The following RBMS1 variants were observed in gnomAD, a reference collection of about 807,000 sequenced individuals.
RBMS1 encodes the protein RNA binding motif single stranded interacting protein 1.
A neutral mutation model predicts 62.3 loss-of-function variants in RBMS1; 17 were observed. That is an observed-to-expected ratio of 0.27 (90% CI 0.19 to 0.41). The LOEUF (loss-of-function observed/expected upper bound fraction) is 0.41, where lower values mean the gene tolerates loss of function less well. RBMS1 is among the 10% of genes least tolerant of loss of function. RBMS1 has a pLI of 1.00. For missense variants in RBMS1, 334 were observed against 504.5 expected, an observed-to-expected ratio of 0.66 and a Z score of 3.24; for synonymous variants, 172 against 170.0, an observed-to-expected ratio of 1.01 and a Z score of -0.09.
intron 13 of RBMS1, chr2:160,275,300 A>G: frequency 6.1e-6 from 1 of 164,134 alleles, no homozygotes; most frequent in Admixed American, 6.2e-5. Context: ...CCAGTTTCTG[A>G]GTATTAAAGT....
At chr2:160,331,713 T>C (rs890963691) in intron 2 of RBMS1, among the ~76,000 whole-genome samples, 4 of 152,164 alleles carry the variant, frequency 2.6e-5, no homozygotes, top group Non-Finnish European at 5.9e-5. Context: ...GTAAGCACCA[T>C]AAACAAAGAG....
intron 2 of RBMS1, among the ~76,000 whole-genome samples, chr2:160,353,252 T>A (rs1692615890): frequency 6.6e-6 from 1 of 152,062 alleles, no homozygotes; most frequent in Non-Finnish European, 1.5e-5. Context: ...TTGTTGAACA[T>A]TTTTTTAAAA....
chr2:160,336,645 A>T (rs755648966), intron 2 of RBMS1, among the ~76,000 whole-genome samples: 9 of 152,184 alleles, frequency 5.9e-5, no homozygotes, highest in Non-Finnish European at 1.3e-4. Flanking sequence ...TCTCCAAAAT[A>T]TTATCATTTC....
intron 1 of RBMS1, among the ~76,000 whole-genome samples, chr2:160,378,206 T>C (rs1474588204): frequency 6.6e-6 from 1 of 152,048 alleles, no homozygotes; most frequent in Non-Finnish European, 1.5e-5. Context: ...AAAATGCTCG[T>C]GAATGCCACC....
intron 1 of RBMS1, among the ~76,000 whole-genome samples, chr2:160,377,497 T>C (rs904158883): frequency 6.6e-6 from 1 of 152,210 alleles, no homozygotes; most frequent in South Asian, 2.1e-4. Context: ...GCAGGACTCC[T>C]GGTCTGTGTG....
At chr2:160,403,960 CTTTT>C (rs374621263) in intron 1 of RBMS1, among the ~76,000 whole-genome samples, 6 of 152,022 alleles carry the variant, frequency 3.9e-5, no homozygotes, top group African/African-American at 7.3e-5. Context: ...GTATAAATCA[CTTTT>C]TTTGTTTCAA....
Position 160,493,590 on chromosome 2 carries a change from C to T in RBMS1, c.-227G>A, listed in dbSNP as rs1345012498. On this transcript the variant is annotated 5_prime_UTR_variant, in exon 1 of 14. Transcript: ENST00000348849. ...CCTCCTCTTCCTCCTCCTCCTCCTC[C>T]TCCCAGGCAGAAAGAAAGACACTGC... 4 of 605,238 alleles carry T rather than the reference C, an allele frequency of 6.6e-6. No homozygotes were observed. Among genetic ancestry groups the T allele is most frequent in the Admixed American group, 5.8e-5 (2 of 34,366 alleles). The allele number at this position is 605,238 out of a possible 1,614,324, so 37.5% of individuals were successfully genotyped here.
chr2:160,324,903 TATATACACACACAC>T (rs1427187695), intron 2 of RBMS1, among the ~76,000 whole-genome samples: 2 of 118,988 alleles, frequency 1.7e-5, no homozygotes, highest in East Asian at 4.5e-4. Flanking sequence ...TATATATATA[TATATACACACACAC>T]ACACACACAC....
At chr2:160,341,372 A>G (rs894325677) in intron 2 of RBMS1, among the ~76,000 whole-genome samples, 4 of 152,114 alleles carry the variant, frequency 2.6e-5, no homozygotes, top group African/African-American at 9.7e-5. Context: ...ACCAGCACCC[A>G]TCTCACTGTT....
chr2:160,377,832 G>T (rs1694079671), intron 1 of RBMS1, among the ~76,000 whole-genome samples: 1 of 152,208 alleles, frequency 6.6e-6, no homozygotes, highest in Non-Finnish European at 1.5e-5. Context: ...GAGGCCAGGA[G>T]AAGTCAAACC....
At chr2:160,306,151 G>GTA (rs1553504365) in intron 4 of RBMS1, among the ~76,000 whole-genome samples, 102 of 151,236 alleles carry the variant, frequency 6.7e-4, no homozygotes, top group Middle Eastern at 3.4e-3. Flanking sequence ...GTGTGTGTGT[G>GTA]TATACACATA....
intron 1 of RBMS1, among the ~76,000 whole-genome samples, chr2:160,474,546 G>A (rs1003426038): frequency 3.2e-4 from 49 of 152,176 alleles, no homozygotes; most frequent in Admixed American, 2.6e-4. Flanking sequence ...TTCTTCAGTC[G>A]TGATGGTTGC....
intron 1 of RBMS1, among the ~76,000 whole-genome samples, chr2:160,369,498 G>A (rs1006354694): frequency 2.6e-5 from 4 of 152,188 alleles, no homozygotes; most frequent in Admixed American, 6.5e-5. Context: ...TTTGATTGAC[G>A]CAGAGAACTT....
chr2:160,451,691 C>T (rs1256958362), intron 1 of RBMS1, among the ~76,000 whole-genome samples: 3 of 152,122 alleles, frequency 2.0e-5, no homozygotes, highest in Admixed American at 6.5e-5. Context: ...TCACTGCAAC[C>T]TCCATCTCCT....
At chr2:160,311,163 C>G (rs1345243721) in intron 4 of RBMS1, among the ~76,000 whole-genome samples, 1 of 144,932 alleles carries the variant, frequency 6.9e-6, no homozygotes, top group East Asian at 2.0e-4. Flanking sequence ...CCACTGCACT[C>G]CAGCCTGGGT....
chr2:160,348,579 G>T (rs1323159122), intron 2 of RBMS1, among the ~76,000 whole-genome samples: 1 of 152,116 alleles, frequency 6.6e-6, no homozygotes. Context: ...TCTCATTGAT[G>T]GCTGAGCCTG....
chr2:160,282,143 T>C, intron 9 of RBMS1: 1 of 985,160 alleles, frequency 1.0e-6, no homozygotes, highest in Non-Finnish European at 1.5e-6. Context: ...AAGTTTCAGT[T>C]TCCAATTCTT....
intron 1 of RBMS1, among the ~76,000 whole-genome samples, chr2:160,392,551 T>C (rs781362538): frequency 6.6e-5 from 10 of 152,198 alleles, no homozygotes; most frequent in Admixed American, 3.9e-4. Context: ...TTTCTCTCGA[T>C]TGTCAATAAT....
At chr2:160,412,484 G>A (rs181525240) in intron 1 of RBMS1, among the ~76,000 whole-genome samples, 1 of 152,286 alleles carries the variant, frequency 6.6e-6, no homozygotes, top group Non-Finnish European at 1.5e-5. Flanking sequence ...AGGGTTAAAA[G>A]ATTTACTAAG....
Sources: gnomAD v4.1 joint callset for allele counts (sites outside exome capture counted in the v4.1 genomes callset) on GRCh38, gnomAD v4.1.1 for gene constraint, MANE v1.5 for transcripts, NCBI Gene and HGNC (gene_info 2026-07-23, HGNC 2026-07-21) for gene names.